Variants in ATG16L1 observed in about 807,000 individuals in gnomAD.
ATG16L1 encodes autophagy-related protein 16-1.
ATG16L1 carries 37 observed loss-of-function variants against 88.5 expected under a neutral mutation model. The observed-to-expected ratio is 0.42, with a 90% CI of 0.32 to 0.55. The LOEUF is 0.55. Ranked by LOEUF, ATG16L1 falls within the 20% of genes least tolerant of loss-of-function variation. The pLI, the probability that ATG16L1 is intolerant of heterozygous loss-of-function variation, is 0.13. For missense variants in ATG16L1, 554 were observed against 752.8 expected (o/e 0.74, Z 3.09); for synonymous variants, 301 against 281.0 (o/e 1.07, Z -0.71).
At chr2:233,279,479 G>A (rs184062242) in intron 10 of ATG16L1, among the ~76,000 whole-genome samples, 3 of 152,272 alleles carry the variant, frequency 2.0e-5, no homozygotes, top group Admixed American at 1.3e-4. Flanking sequence ...AATGTGTGGC[G>A]GCATTTCTTA....
At chr2:233,293,530 A>C (rs546417253) in intron 17 of ATG16L1, among the ~76,000 whole-genome samples, 173 bp downstream of exon 17, 1 of 152,174 alleles carries the variant, frequency 6.6e-6, no homozygotes, top group Non-Finnish European at 1.5e-5. Context: ...CACACAGCAC[A>C]GCAGGCCACA....
chr2:233,291,524 C>T (rs565793438), intron 14 of ATG16L1, among the ~76,000 whole-genome samples: 1 of 152,268 alleles, frequency 6.6e-6, no homozygotes, highest in African/African-American at 2.4e-5. Context: ...CATCACAGAA[C>T]AGGTCAGCAC....
At chr2:233,287,653 G>A (rs563179036) in intron 12 of ATG16L1, among the ~76,000 whole-genome samples, 23 of 152,292 alleles carry the variant, frequency 1.5e-4, no homozygotes, top group Non-Finnish European at 2.8e-4. Context: ...CGAGGCAGGC[G>A]GATCACTTGA....
chr2:233,292,352 C>A (rs751672574), intron 15 of ATG16L1, 35 bp from the exon 16 acceptor site: 1 of 1,614,180 alleles, frequency 6.2e-7, no homozygotes, highest in South Asian at 1.1e-5. Flanking sequence ...GTGGCCTGAG[C>A]TCCCTCAGTG....
rs752730259 is a variant in ATG16L1, at chr2:233,265,160, CAGTT to C, written c.641+21_641+24del. 1 of 1,612,974 alleles carries C rather than the reference CAGTT, an allele frequency of 6.2e-7. No homozygotes were observed. Among genetic ancestry groups the C allele is most frequent in the East Asian group, 2.2e-5 (1 of 44,884 alleles). ...AGACTCCAGGTGGGCTATCAATCCA[CAGTT>C]AGTGGTTTCCATCCTTAGTAGAGTA... On this transcript the variant is annotated intron_variant, in intron 5 of 17. Transcript: ENST00000392017.
intron 1 of ATG16L1, among the ~76,000 whole-genome samples, chr2:233,252,555 T>A (rs886715003): frequency 2.3e-4 from 35 of 152,142 alleles, no homozygotes; most frequent in African/African-American, 6.5e-4. Context: ...GCTAATTTTT[T>A]TAAAAAAAAA....
chr2:233,264,042 G>T lies in ATG16L1; in HGVS notation c.366G>T (p.Arg122Ser). ...ATAACCAAATGCAGCGGAAGGACAG[G>T]GAGATGCAGATGAATGAAGCAAAGT... ...DLNNQMQRKD[R>S]EMQMNEAKIA... The change falls in exon 4 of 18, where the codon AGG becomes AGT. Residue 122 changes from arginine (R) to serine (S), a missense_variant. Arg to Ser is a moderately radical substitution (Grantham distance 110, BLOSUM62 -1). This residue lies in a region of ATG16L1 where 50 missense variants were observed against 49.4 expected (regional missense o/e 1.01). Transcript: ENST00000392017. 1 of 1,614,106 alleles carries T rather than the reference G, an allele frequency of 6.2e-7. No individual in the cohort carries two copies. Among genetic ancestry groups the T allele is most frequent in the Non-Finnish European group, 8.5e-7 (1 of 1,179,958 alleles).
intron 6 of ATG16L1, among the ~76,000 whole-genome samples, chr2:233,272,415 T>G (rs1342889870): frequency 6.6e-6 from 1 of 152,254 alleles, no homozygotes; most frequent in Non-Finnish European, 1.5e-5. Context: ...TGCTTTTCTA[T>G]TTTTTAAAGT....
At chr2:233,261,645 C>A (rs1403464255) in intron 2 of ATG16L1, among the ~76,000 whole-genome samples, 2 of 147,604 alleles carry the variant, frequency 1.4e-5, no homozygotes, top group East Asian at 3.9e-4. Context: ...GGGGGCAGTT[C>A]TTTCCGCTCT....
At chr2:233,290,085 G>T (rs1699362704) in intron 13 of ATG16L1, 111 bp downstream of exon 13, 1 of 1,559,246 alleles carries the variant, frequency 6.4e-7, no homozygotes. Context: ...TTTCAGATCT[G>T]GCTTCATGTT....
Position 233,270,204 on chromosome 2 carries a change from G to A in ATG16L1, c.707+137G>A, listed in dbSNP as rs576451877. ...GTTGCCCAGGCTGGAGTGCAGTGGT[G>A]TGATCATAGCTTCTAATGTTTTTAT... On this transcript the variant is annotated intron_variant, in intron 6 of 17. Transcript: ENST00000392017. 1.5e-5 allele frequency: 9 copies of A among 582,952 alleles called. No homozygotes were observed. In the Admixed American group the frequency reaches 1.6e-4, roughly 10 times the overall value. The allele number at this position is 582,952 out of a possible 1,614,324, so 36.1% of individuals were successfully genotyped here.
chr2:233,273,183 A>C, intron 7 of ATG16L1, 131 bp downstream of exon 7: 5 of 693,246 alleles, frequency 7.2e-6, no homozygotes, highest in Non-Finnish European at 1.3e-5. Flanking sequence ...CCCAGCGTCG[A>C]ACACACCACA....
At chr2:233,253,147 T>G (rs916450868) in intron 1 of ATG16L1, among the ~76,000 whole-genome samples, 1 of 152,164 alleles carries the variant, frequency 6.6e-6, no homozygotes, top group African/African-American at 2.4e-5. Context: ...TTTTTGATGC[T>G]TCCCAAATGA....
chr2:233,288,041 C>T (rs1204871412), intron 12 of ATG16L1, among the ~76,000 whole-genome samples: 4 of 151,954 alleles, frequency 2.6e-5, no homozygotes, highest in Admixed American at 2.0e-4. Flanking sequence ...ACGGAAGGAT[C>T]AGTGGGAGGT....
chr2:233,294,407 T>TCCTGCAGC lies in ATG16L1; in HGVS notation c.*62_*69dup. ...CCCTCCTCAGAAGAAGCACATGGGC[T>TCCTGCAGC]CCTGCAGCCCTGTCCTGGCAGGTGA... On this transcript the variant is annotated 3_prime_UTR_variant, in exon 18 of 18. Transcript: ENST00000392017. The TCCTGCAGC allele has an allele frequency of 7.0e-7, 1 of 1,419,184 alleles. No homozygotes were observed. The allele number at this position is 1,419,184 out of a possible 1,614,324, so 87.9% of individuals were successfully genotyped here. A position where few individuals can be genotyped will look rare whatever the true frequency, so the allele number is the denominator to read the frequency against.
In ATG16L1 at chr2:233,253,717, A is replaced by G. The variant is rs557793417; in HGVS notation, c.115+1775A>G. On this transcript the variant is annotated intron_variant, in intron 1 of 17. Transcript: ENST00000392017. Reference sequence around the variant, plus strand: ...CTTTTCTCACTGGCTCCCCCAGCAAATGGTTCTTTGCTTTCACTGCACCCA... The same window carrying G: ...CTTTTCTCACTGGCTCCCCCAGCAAGTGGTTCTTTGCTTTCACTGCACCCA... Among the ~76,000 whole-genome samples, 6 of 152,236 alleles carry G rather than the reference A, an allele frequency of 3.9e-5. No individual in the cohort carries two copies. The South Asian group carries it at 1.2e-3, about 32-fold the overall frequency.
chr2:233,284,864 T>C (rs1001337991), intron 12 of ATG16L1, among the ~76,000 whole-genome samples: 4 of 152,218 alleles, frequency 2.6e-5, no homozygotes, highest in East Asian at 1.9e-4. Context: ...GAGGGTTGTA[T>C]AGATTATTAG....
chr2:233,284,107 G>C (rs1698914175), intron 12 of ATG16L1, among the ~76,000 whole-genome samples: 1 of 150,962 alleles, frequency 6.6e-6, no homozygotes. Flanking sequence ...GCCTCCCAAA[G>C]TGCTGGGATT....
At chr2:233,263,686 G>T (rs1362590002) in intron 3 of ATG16L1, among the ~76,000 whole-genome samples, 1 of 152,222 alleles carries the variant, frequency 6.6e-6, no homozygotes, top group African/African-American at 2.4e-5. Context: ...TTCACCATCA[G>T]TACAGCTGAA....
Sources: allele counts gnomAD v4.1 joint callset (sites outside exome capture counted in the v4.1 genomes callset), GRCh38; gene constraint gnomAD v4.1.1; regional missense constraint gnomAD v4.1.1; transcripts MANE v1.5; gene names NCBI Gene and HGNC (gene_info 2026-07-23, HGNC 2026-07-21).